Variants in TELO2 observed in about 807,000 individuals in gnomAD.
TELO2 encodes the protein telomere length regulation protein TEL2 homolog.
TELO2 carries 71 observed loss-of-function variants against 91.0 expected under a neutral mutation model. The observed-to-expected ratio is 0.78, with a 90% CI of 0.64 to 0.95. The LOEUF is 0.95. Ranked by LOEUF, TELO2 falls within the 40% of genes least tolerant of loss-of-function variation. The probability of loss-of-function intolerance (pLI) is 0.00; values close to 1 mark genes in which losing one functional copy is unlikely to be tolerated. For missense variants in TELO2, 1,183 were observed against 1,141.3 expected (o/e 1.04, Z -0.53); for synonymous variants, 584 against 518.9 (o/e 1.13, Z -1.71).
intron 3 of TELO2, 26 bp downstream of exon 3, chr16:1,495,649 T>G: frequency 6.4e-7 from 1 of 1,559,894 alleles, no homozygotes. Flanking sequence ...GGGGACCCCC[T>G]TTGCCACCCG....
rs200563810 is a variant in TELO2, at chr16:1,501,427, A to C, written c.1289A>C (p.Glu430Ala). The change falls in exon 10 of 21, where the codon GAG becomes GCG. Residue 430 changes from glutamate (E) to alanine (A), a missense_variant. Glu to Ala is a moderately radical substitution (Grantham distance 107). Coordinates refer to ENST00000262319, the MANE Select transcript of TELO2 (RefSeq NM_016111.4). ...EGPPLKFQYEEDELSLELLAL... is the reference protein window; with the variant it reads ...EGPPLKFQYEADELSLELLAL... The stretch of plus-strand genomic sequence containing the variant: ...CCTGCTCCCCTGCTGTAGTACGAAG[A>C]GGATGAACTGAGCCTCGAGCTGCTG... 1 of 1,612,372 alleles carries C rather than the reference A, an allele frequency of 6.2e-7. No individual in the cohort carries two copies. The highest frequency in any genetic ancestry group is 1.7e-5 in the Admixed American group (1 of 59,988).
In TELO2 at chr16:1,499,340, A is replaced by T. The variant is rs1413067956; in HGVS notation, c.933+7A>T. The stretch of plus-strand genomic sequence containing the variant: ...CTTACAGTCCCGGCTCACGGTGAGG[A>T]CGCCACGGAGGGTGCAGGCTGCTGG... On this transcript the variant is annotated splice_region_variant and intron_variant, in intron 6 of 20. Transcript: ENST00000262319. 2 of 1,593,372 alleles carry T rather than the reference A, an allele frequency of 1.3e-6. No homozygotes were observed. The highest frequency in any genetic ancestry group is 1.7e-6 in the Non-Finnish European group (2 of 1,174,044).
Position 1,507,620 on chromosome 16 carries a change from T to C in TELO2, c.2311T>C (p.Leu771=), listed in dbSNP as rs986963283. Residue 771 remains leucine (L), a synonymous_variant, in exon 20 of 21, where the codon TTG becomes CTG. Coordinates refer to ENST00000262319, the MANE Select transcript of TELO2 (RefSeq NM_016111.4). The part of the protein sequence containing the change: ...HIDAYVRQGL[L]SAVSSVLLSL... ...CGGCAGCTACGTGCGCCAGGGGCTG[T>C]TGTCGGCCGTCTCCTCCGTCCTGCT... The C allele has an allele frequency of 6.3e-7, 1 of 1,594,620 alleles. No homozygotes were observed. Among genetic ancestry groups the C allele is most frequent in the Non-Finnish European group, 8.5e-7 (1 of 1,177,814 alleles).
At chr16:1,506,079 C>A (rs1596269256) in intron 16 of TELO2, 159 bp from the exon 17 acceptor site, 1 of 750,826 alleles carries the variant, frequency 1.3e-6, no homozygotes, top group African/African-American at 1.7e-5. Context: ...CCGTCACCAA[C>A]CCCATGGGGC....
chr16:1,508,503 T>G (rs925675932), intron 20 of TELO2, among the ~76,000 whole-genome samples: 3 of 152,216 alleles, frequency 2.0e-5, no homozygotes, highest in African/African-American at 7.2e-5. Context: ...TAAGGTGGCT[T>G]CATGGATACC....
Position 1,495,611 on chromosome 16 carries a change from G to GA in TELO2, c.602dup (p.Asp201GlufsTer79). 1.3e-6 allele frequency: 2 copies of GA among 1,599,312 alleles called. No individual in the cohort carries two copies. The highest frequency in any genetic ancestry group is 1.7e-6 in the Non-Finnish European group (2 of 1,170,732). On this transcript the variant is annotated frameshift_variant, in exon 3 of 21. Transcript: ENST00000262319. LOFTEE classifies it high-confidence loss of function. The stretch of plus-strand genomic sequence containing the variant: ...CGTCCGGGTGCTGCAGGCGGTTGTG[G>GA]ACTCTCTCCAAGGTGAGGCCCTGCC...
rs528586620 is a variant in TELO2, at chr16:1,501,873, C to T, written c.1472+100C>T. On this transcript the variant is annotated intron_variant, in intron 11 of 20. Coordinates refer to ENST00000262319, the MANE Select transcript of TELO2 (RefSeq NM_016111.4). The stretch of plus-strand genomic sequence containing the variant: ...CCCGTGGGGGGCTCCCTGCCTGCTC[C>T]GTGCTTCTTCTCTTTCGTCCTCATG... 1.6e-4 allele frequency: 228 copies of T among 1,453,080 alleles called. No homozygotes were observed. In the African/African-American group the frequency reaches 2.0e-3, roughly 13 times the overall value. 90.0% of individuals were successfully genotyped at this position (1,453,080 alleles called of 1,614,324 possible). A position where few individuals can be genotyped will look rare whatever the true frequency, so the allele number is the denominator to read the frequency against.
chr16:1,508,172 G>A (rs914990697), intron 20 of TELO2, among the ~76,000 whole-genome samples: 6 of 151,940 alleles, frequency 3.9e-5, no homozygotes, highest in South Asian at 2.1e-4. Flanking sequence ...TTGCTCTGTC[G>A]CCCAGGCTGG....
intron 15 of TELO2, among the ~76,000 whole-genome samples, chr16:1,503,636 C>G (rs986860306): frequency 1.3e-5 from 2 of 152,148 alleles, no homozygotes; most frequent in African/African-American, 4.8e-5. Flanking sequence ...GTATATCGTT[C>G]GATTTCACTT....
At position 1,495,530 on chromosome 16, in the gene TELO2, G is replaced by C. The variant is rs1366565448; in HGVS notation, c.520G>C (p.Glu174Gln). 2.5e-6 allele frequency: 4 copies of C among 1,611,642 alleles called. No homozygotes were observed. ...TCACCTGGGCAACCGCCTGCAGCAG[G>C]AGAACTTGGCCGAGTTCTTCCCCCA... ...PDHLGNRLQQ[E>Q]NLAEFFPQNY... is the part of the protein sequence containing the mutation. The change falls in exon 3 of 21, where the codon GAG becomes CAG. Residue 174 changes from glutamate to glutamine, a missense_variant. Glu to Gln is a conservative substitution (Grantham distance 29). Coordinates refer to ENST00000262319, the MANE Select transcript of TELO2 (RefSeq NM_016111.4).
At position 1,507,029 on chromosome 16, in the gene TELO2, T is replaced by C. The variant is rs770899332; in HGVS notation, c.2204T>C (p.Met735Thr). Residue 735 changes from methionine (M) to threonine (T), a missense_variant, in exon 18 of 21, where the codon ATG becomes ACG. By Grantham distance (81) the Met-to-Thr change is moderately conservative. Coordinates refer to ENST00000262319, the MANE Select transcript of TELO2 (RefSeq NM_016111.4). ...CTGGCGCACACCTTAGGGGCCCTGA[T>C]GTGCCTGGCTGTTAACACCACGGTG... ...GRLAHTLGAL[M>T]CLAVNTTVAV... 1.7e-5 allele frequency: 27 copies of C among 1,610,406 alleles called. 1 individual carries two copies. In the South Asian group the frequency reaches 2.9e-4, roughly 17 times the overall value.
chr16:1,509,246 C>T (rs1383384436), intron 20 of TELO2, among the ~76,000 whole-genome samples: 2 of 152,126 alleles, frequency 1.3e-5, no homozygotes, highest in African/African-American at 4.8e-5. Context: ...AGGGTGTTCT[C>T]CTTTCACAGG....
intron 15 of TELO2, 45 bp downstream of exon 15, chr16:1,503,047 G>A (rs80120333): frequency 0.05 from 80,267 of 1,601,110 alleles, 4,508 homozygotes; most frequent in Admixed American, 0.26. Flanking sequence ...GGCCCAAGCT[G>A]CCCTAAGGTG....
chr16:1,506,420 G>T, intron 17 of TELO2, 91 bp downstream of exon 17: 1 of 1,607,470 alleles, frequency 6.2e-7, no homozygotes, highest in South Asian at 1.1e-5. Flanking sequence ...GGATCTGAGT[G>T]GGTTTGGGTG....
In TELO2 at chr16:1,494,690, A is replaced by G; in HGVS notation, c.335+74A>G. 1 of 1,453,090 alleles carries G rather than the reference A, an allele frequency of 6.9e-7. No individual in the cohort carries two copies. Among genetic ancestry groups the G allele is most frequent in the Non-Finnish European group, 9.3e-7 (1 of 1,079,980 alleles). The allele number at this position is 1,453,090 out of a possible 1,614,324, so 90.0% of individuals were successfully genotyped here. On this transcript the variant is annotated intron_variant, in intron 2 of 20. Coordinates refer to ENST00000262319, the MANE Select transcript of TELO2 (RefSeq NM_016111.4). The surrounding 1 kb of genome is among the most constrained non-coding windows in gnomAD (Gnocchi z 5.6). ...TGAGAGTGGCTTGAAGGACTGGACC[A>G]AGAGCCTCTCTAGTCCCTGTGAGGG...
intron 18 of TELO2, 60 bp downstream of exon 18, chr16:1,507,111 T>A: frequency 1.3e-6 from 2 of 1,537,160 alleles, no homozygotes; most frequent in South Asian, 2.4e-5. Context: ...GGAGCGCTCC[T>A]CAGCCTCACC....
At chr16:1,509,594 C>T (rs927409567) in intron 20 of TELO2, among the ~76,000 whole-genome samples, 1 of 152,262 alleles carries the variant, frequency 6.6e-6, no homozygotes, top group African/African-American at 2.4e-5. Flanking sequence ...GCCCCTTTCC[C>T]ATGGCTGCCT....
rs200000271 is a variant in TELO2 at position 1,494,428 on chromosome 16, G to A, written c.147G>A (p.Arg49=). 13 of 1,613,526 alleles carry A rather than the reference G, an allele frequency of 8.1e-6. No individual in the cohort carries two copies. The highest frequency in any genetic ancestry group is 1.1e-5 in the Non-Finnish European group (13 of 1,179,992). ...AGATGGAGCCTCCAGCGCTCCCGAGGGAGAAGGAGGAGTTTGCCTCGGCCC... is the reference window on the plus strand; with the variant it reads ...AGATGGAGCCTCCAGCGCTCCCGAGAGAGAAGGAGGAGTTTGCCTCGGCCC... ...LGEMEPPALP[R]EKEEFASAHF... Residue 49 remains arginine, a synonymous_variant, in exon 2 of 21, where the codon AGG becomes AGA. Transcript: ENST00000262319. This position sits in a 1 kb window ranked among gnomAD's most constrained non-coding sequence, Gnocchi z 5.6.
At position 1,505,632 on chromosome 16, in the gene TELO2, CA is replaced by C; in HGVS notation, c.2034+32del. The C allele has an allele frequency of 3.4e-6, 4 of 1,164,296 alleles. No individual in the cohort carries two copies. Among genetic ancestry groups the C allele is most frequent in the Admixed American group, 1.8e-5 (1 of 55,646 alleles). 72.1% of individuals were successfully genotyped at this position (1,164,296 alleles called of 1,614,324 possible). On this transcript the variant is annotated intron_variant, in intron 16 of 20. Transcript: ENST00000262319. The surrounding 1 kb of genome is among the most constrained non-coding windows in gnomAD (Gnocchi z 4.3). ...TGGCGCCTGGTCAGCTCCTCACGGG[CA>C]TGGGGACCGTGGGTGGGTGGGAAGG...
Sources: allele counts gnomAD v4.1 joint callset (sites outside exome capture counted in the v4.1 genomes callset), GRCh38; gene constraint gnomAD v4.1.1; non-coding constraint Gnocchi (gnomAD v3.1); transcripts MANE v1.5; gene names NCBI Gene and HGNC (gene_info 2026-07-23, HGNC 2026-07-21).